The following SYNE1 variants were observed in gnomAD, a reference collection of about 807,000 sequenced individuals.
SYNE1 encodes nesprin-1.
Under a neutral mutation model 1,111.0 loss-of-function variants are expected in SYNE1, and 616 were observed. The ratio of observed to expected loss-of-function variants is 0.55; its 90% CI spans 0.52 to 0.59. SYNE1 has a LOEUF of 0.59. SYNE1 is among the 20% of genes least tolerant of loss of function. SYNE1 has a pLI of 0.00. For synonymous variants in SYNE1, 3,855 were observed against 3,825.8 expected (o/e 1.01, Z -0.28); for missense variants, 10,006 against 10,417.0 (o/e 0.96, Z 1.72).
intron 48 of SYNE1, 150 bp downstream of exon 48, chr6:152,399,466 C>T (rs2097780410): frequency 2.1e-6 from 2 of 948,384 alleles, no homozygotes; most frequent in Admixed American, 1.7e-5. Flanking sequence ...CAGCACAGCA[C>T]TTCTATTGCT....
chr6:152,364,726 A>AAGGAAGGGAGGAAGGAAGGG, intron 63 of SYNE1, 121 bp downstream of exon 63: 1 of 368,434 alleles, frequency 2.7e-6, no homozygotes. Context: ...GGAAGGAAGG[A>AAGGAAGGGAGGAAGGAAGGG]AGGGAGGAAG....
chr6:152,256,722 T>C lies in SYNE1; in HGVS notation c.19016A>G (p.Tyr6339Cys). The C allele has an allele frequency of 4.3e-6, 7 of 1,614,042 alleles. No homozygotes were observed. Among genetic ancestry groups the C allele is most frequent in the Non-Finnish European group, 5.9e-6 (7 of 1,179,932 alleles). The change falls in exon 102 of 146, where the codon TAC (tyrosine) becomes TGC (cysteine). Residue 6339 changes from tyrosine to cysteine, a missense_variant. Tyr to Cys is a radical substitution (Grantham distance 194). This residue lies in a region of SYNE1 where 2,182 missense variants were observed against 2,287.8 expected (regional missense o/e 0.95). Transcript: ENST00000367255. ...ATCTTGGGTTGGCACGTCCCCTTTG[T>C]ACAGTGGCACACCAGACAAGAGTCG... ...PNRLLSGVPL[Y>C]KGDVPTQDKS...
At chr6:152,237,020 A>C (rs2084267413) in intron 108 of SYNE1, 72 bp from the exon 109 acceptor site, 2 of 1,577,272 alleles carry the variant, frequency 1.3e-6, no homozygotes, top group Non-Finnish European at 1.7e-6. Context: ...TTGGGTGCAA[A>C]ATACGTGCCT....
Position 152,354,697 on chromosome 6 carries a change from T to C in SYNE1, c.10888A>G (p.Asn3630Asp). The C allele has an allele frequency of 6.2e-7, 1 of 1,614,260 alleles. No individual in the cohort carries two copies. The change falls in exon 67 of 146, where the codon AAC becomes GAC. Residue 3630 changes from asparagine (N) to aspartate (D), a missense_variant. By Grantham distance (23) the Asn-to-Asp change is conservative (BLOSUM62 1). This residue lies in a region of SYNE1 where 4,955 missense variants were observed against 5,017.2 expected (regional missense o/e 0.99). Transcript: ENST00000367255. Reference sequence around the variant, plus strand: ...AATTGTATCTCCTTGGTTGCCCTGTTAGACTGACGTCTGGTCCTGGGACTA... The same window carrying C: ...AATTGTATCTCCTTGGTTGCCCTGTCAGACTGACGTCTGGTCCTGGGACTA... ...KVSPRTRRQSNRATKEIQLHQ... is the reference protein window; with the variant it reads ...KVSPRTRRQSDRATKEIQLHQ...
At chr6:152,529,548 C>A (rs2099185845) in intron 4 of SYNE1, among the ~76,000 whole-genome samples, 1 of 152,202 alleles carries the variant, frequency 6.6e-6, no homozygotes, top group Admixed American at 6.5e-5. Flanking sequence ...CCCAAGAACA[C>A]TTTCAGGCTT....
At chr6:152,319,145 G>A (rs946446604) in intron 84 of SYNE1, 130 bp from the exon 85 acceptor site, 40 of 1,295,338 alleles carry the variant, frequency 3.1e-5, no homozygotes, top group African/African-American at 1.0e-4. Context: ...TCACACCAGC[G>A]ATGTGCGATT....
intron 10 of SYNE1, among the ~76,000 whole-genome samples, chr6:152,501,565 C>T (rs540284625): frequency 6.6e-6 from 1 of 152,182 alleles, no homozygotes; most frequent in Admixed American, 6.5e-5. Flanking sequence ...GAAACCCAAT[C>T]TCTACTAGAA....
intron 32 of SYNE1, 93 bp from the exon 33 acceptor site, chr6:152,436,194 G>A (rs1005535818): frequency 1.5e-6 from 2 of 1,329,898 alleles, no homozygotes; most frequent in Non-Finnish European, 2.1e-6. Flanking sequence ...GAACAGATGG[G>A]TGGATGAAGA....
At chr6:152,515,069 A>G (rs1187092278) in intron 6 of SYNE1, among the ~76,000 whole-genome samples, 2 of 152,044 alleles carry the variant, frequency 1.3e-5, no homozygotes, top group African/African-American at 4.8e-5. Context: ...TAAAAATACA[A>G]AAATTAGCTA....
At chr6:152,199,377 C>T (rs943768371) in intron 127 of SYNE1, among the ~76,000 whole-genome samples, 1 of 152,138 alleles carries the variant, frequency 6.6e-6, no homozygotes, top group African/African-American at 2.4e-5. Context: ...GTGATCTATA[C>T]TTATAATGTA....
intron 68 of SYNE1, 43 bp from the exon 69 acceptor site, chr6:152,353,476 G>A (rs780189519): frequency 1.2e-6 from 2 of 1,612,016 alleles, no homozygotes; most frequent in Non-Finnish European, 1.7e-6. Context: ...GTAAAGGCCT[G>A]TGCCAGGGCC....
chr6:152,167,816 T>C (rs1427174700), intron 130 of SYNE1: 1 of 610,714 alleles, frequency 1.6e-6, no homozygotes, highest in Non-Finnish European at 3.2e-6. Context: ...TGTCTCAGCC[T>C]CTCTACTCTA....
At chr6:152,250,896 A>G (rs2088984237) in intron 104 of SYNE1, among the ~76,000 whole-genome samples, 1 of 152,208 alleles carries the variant, frequency 6.6e-6, no homozygotes, top group South Asian at 2.1e-4. Flanking sequence ...ATAACATAAC[A>G]TGGGTTAGAA....
At chr6:152,405,168 T>G (rs1253452499) in intron 45 of SYNE1, among the ~76,000 whole-genome samples, 1 of 152,234 alleles carries the variant, frequency 6.6e-6, no homozygotes, top group East Asian at 1.9e-4. Context: ...GGGCTGAATC[T>G]GATTCACTGA....
At chr6:152,586,230 C>T (rs1434652449) in intron 3 of SYNE1, among the ~76,000 whole-genome samples, 4 of 151,984 alleles carry the variant, frequency 2.6e-5, no homozygotes, top group Non-Finnish European at 5.9e-5. Flanking sequence ...TTATTTCTAA[C>T]AATTCAAATT....
At chr6:152,139,704 AAG>A (rs2058011414) in intron 140 of SYNE1, among the ~76,000 whole-genome samples, 1 of 97,452 alleles carries the variant, frequency 1.0e-5, no homozygotes, top group Admixed American at 1.3e-4. Flanking sequence ...GAAAGAGAAA[AAG>A]AAAAGAAAGA....
At chr6:152,445,993 A>G (rs2098584574) in intron 29 of SYNE1, among the ~76,000 whole-genome samples, 1 of 152,156 alleles carries the variant, frequency 6.6e-6, no homozygotes, top group Non-Finnish European at 1.5e-5. Flanking sequence ...CATTCATTAG[A>G]GAGAGATTCT....
At chr6:152,411,746 C>CACAG (rs1563814514) in intron 42 of SYNE1, among the ~76,000 whole-genome samples, 2 of 151,584 alleles carry the variant, frequency 1.3e-5, no homozygotes, top group East Asian at 1.9e-4. Flanking sequence ...CACACACACA[C>CACAG]AGAGATGGCT....
At position 152,530,922 on chromosome 6, in the gene SYNE1, C is replaced by T. The variant is rs80316374; in HGVS notation, c.130-4747G>A. ...ACAGGCGTGAGCCACCACATCCCGCCGTGTGATGAAATCTTAAGCTGTCCC... is the reference window on the plus strand; with the variant it reads ...ACAGGCGTGAGCCACCACATCCCGCTGTGTGATGAAATCTTAAGCTGTCCC... On this transcript the variant is annotated intron_variant, in intron 4 of 145. Coordinates refer to ENST00000367255, the MANE Select transcript of SYNE1 (RefSeq NM_182961.4). Among the ~76,000 whole-genome samples the T allele has an allele frequency of 3.2e-4, 48 of 152,152 alleles. 1 individual carries two copies. In the East Asian group the frequency reaches 7.4e-3, roughly 23 times the overall value.
Sources: allele counts gnomAD v4.1 joint callset (sites outside exome capture counted in the v4.1 genomes callset), GRCh38; gene constraint gnomAD v4.1.1; regional missense constraint gnomAD v4.1.1; transcripts MANE v1.5; gene names NCBI Gene and HGNC (gene_info 2026-07-23, HGNC 2026-07-21).